The following PCDH15 variants were observed in gnomAD, a reference collection of about 807,000 sequenced individuals.
PCDH15 encodes the protein protocadherin-15.
In PCDH15, 129 loss-of-function variants were observed where a neutral mutation model predicts 178.5. That is an observed-to-expected ratio of 0.72 (90% CI 0.63 to 0.84). The LOEUF is 0.84. PCDH15 is among the 40% of genes least tolerant of loss of function. The pLI, the probability that PCDH15 is intolerant of heterozygous loss-of-function variation, is 0.00. For synonymous variants in PCDH15, 800 were observed against 732.0 expected (o/e 1.09, Z -1.50); for missense variants, 2,230 against 2,099.9 (o/e 1.06, Z -1.21).
chr10:54,256,033 C>A (rs2132179631), intron 8 of PCDH15, among the ~76,000 whole-genome samples: 1 of 152,202 alleles, frequency 6.6e-6, no homozygotes, highest in Non-Finnish European at 1.5e-5. Context: ...GAAGACCTCC[C>A]CAAATTCCGA....
intron 2 of PCDH15, among the ~76,000 whole-genome samples, chr10:55,576,328 G>A (rs1842496261): frequency 6.6e-6 from 1 of 152,128 alleles, no homozygotes; most frequent in Non-Finnish European, 1.5e-5. Context: ...TCATCATAAG[G>A]GTCTTCGCCC....
intron 18 of PCDH15, among the ~76,000 whole-genome samples, chr10:54,060,575 A>G (rs187739689): frequency 2.2e-4 from 33 of 152,324 alleles, no homozygotes; most frequent in Admixed American, 1.9e-3. Context: ...ACTACTTGAG[A>G]TGAATTCTAT....
chr10:54,253,249 T>A (rs2132130951), intron 8 of PCDH15, among the ~76,000 whole-genome samples: 1 of 152,212 alleles, frequency 6.6e-6, no homozygotes, highest in South Asian at 2.1e-4. Flanking sequence ...CATATGTTGA[T>A]TGAACCTTCA....
chr10:55,408,759 G>C (rs1334534), intron 2 of PCDH15, among the ~76,000 whole-genome samples: 65 of 151,568 alleles, frequency 4.3e-4, no homozygotes, highest in African/African-American at 1.6e-3. Context: ...AAGTAGTTTC[G>C]TCTAGTCTCA....
intron 2 of PCDH15, among the ~76,000 whole-genome samples, chr10:54,540,365 A>G (rs1386736344): frequency 6.6e-6 from 1 of 152,160 alleles, no homozygotes; most frequent in Admixed American, 6.5e-5. Flanking sequence ...AAATCCTCAG[A>G]GACTATTATC....
intron 2 of PCDH15, among the ~76,000 whole-genome samples, chr10:54,632,601 CT>C (rs2093733083): frequency 1.3e-5 from 2 of 151,966 alleles, no homozygotes; most frequent in Admixed American, 6.6e-5. Flanking sequence ...AAAATTACCC[CT>C]GCTAAAATTT....
intron 2 of PCDH15, among the ~76,000 whole-genome samples, chr10:55,148,168 CCT>C (rs1204469896): frequency 6.6e-6 from 1 of 151,796 alleles, no homozygotes; most frequent in Non-Finnish European, 1.5e-5. Flanking sequence ...CTTAATATCC[CCT>C]GTTTCTTGTA....
intron 3 of PCDH15, 97 bp downstream of exon 3, chr10:54,527,715 C>T (rs1438817136): frequency 8.1e-6 from 8 of 985,134 alleles, no homozygotes; most frequent in South Asian, 2.0e-5. Flanking sequence ...TGGGTTGAAA[C>T]TTTCATTTTA....
rs1370464785 is a variant in PCDH15 at position 53,821,651 on chromosome 10, GT to G, written c.4368-1422del. On this transcript the variant is annotated intron_variant, in intron 32 of 37. Transcript: ENST00000644397. ...GTAGAACAAATTATGCTACTTTGTAGTTTTTAAAAAGTAAGGTAAATCTATT... is the reference window on the plus strand; with the variant it reads ...GTAGAACAAATTATGCTACTTTGTAGTTTTAAAAAGTAAGGTAAATCTATT... 3.0e-6 allele frequency: 4 copies of G among 1,335,498 alleles called. No homozygotes were observed. The African/African-American group carries it at 5.9e-5, about 20-fold the overall frequency. 82.7% of individuals were successfully genotyped at this position (1,335,498 alleles called of 1,614,324 possible). A position where few individuals can be genotyped will look rare whatever the true frequency, so the allele number is the denominator to read the frequency against.
chr10:54,775,625 C>T (rs1436928965), intron 1 of PCDH15, among the ~76,000 whole-genome samples: 1 of 152,086 alleles, frequency 6.6e-6, no homozygotes. Context: ...CGGCCGGGCG[C>T]GGTGGCTCAC....
intron 24 of PCDH15, 95 bp from the exon 25 acceptor site, chr10:53,939,050 A>C: frequency 1.6e-6 from 2 of 1,261,318 alleles, no homozygotes; most frequent in Middle Eastern, 2.5e-4. Context: ...AACACTAAAA[A>C]TGCCTATTTA....
intron 2 of PCDH15, among the ~76,000 whole-genome samples, chr10:55,339,442 C>T (rs1240149000): frequency 6.6e-6 from 1 of 151,932 alleles, no homozygotes; most frequent in African/African-American, 2.4e-5. Context: ...GTAAGGGTTC[C>T]ATTGAAATAA....
At chr10:55,297,703 C>T (rs1381460517) in intron 1 of PCDH15, among the ~76,000 whole-genome samples, 1 of 152,014 alleles carries the variant, frequency 6.6e-6, no homozygotes, top group Non-Finnish European at 1.5e-5. Context: ...AAACTGAATA[C>T]TAAGGTGTTT....
At chr10:55,355,134 C>A (rs1845043034) in intron 2 of PCDH15, among the ~76,000 whole-genome samples, 1 of 151,966 alleles carries the variant, frequency 6.6e-6, no homozygotes, top group African/African-American at 2.4e-5. Flanking sequence ...AGGTATCACA[C>A]TTTACTTACT....
intron 2 of PCDH15, among the ~76,000 whole-genome samples, chr10:54,900,618 G>C (rs750799896): frequency 6.6e-6 from 1 of 151,978 alleles, no homozygotes; most frequent in Non-Finnish European, 1.5e-5. Context: ...GCTATGATTT[G>C]GTTTTTTAAC....
intron 2 of PCDH15, among the ~76,000 whole-genome samples, chr10:55,334,989 C>G (rs1431724930): frequency 6.6e-6 from 1 of 152,154 alleles, no homozygotes; most frequent in East Asian, 1.9e-4. Context: ...CCTGTTATAA[C>G]TGACTGAAAT....
At chr10:55,175,914 G>A (rs1839471707) in intron 1 of PCDH15, among the ~76,000 whole-genome samples, 1 of 151,938 alleles carries the variant, frequency 6.6e-6, no homozygotes, top group Non-Finnish European at 1.5e-5. Context: ...GACTGTGCAG[G>A]AAACATGGGG....
chr10:54,567,413 G>A (rs1181134479), intron 2 of PCDH15, among the ~76,000 whole-genome samples: 1 of 151,952 alleles, frequency 6.6e-6, no homozygotes, highest in Non-Finnish European at 1.5e-5. Flanking sequence ...CATACTCAAG[G>A]TCACCTAAGT....
intron 2 of PCDH15, among the ~76,000 whole-genome samples, chr10:55,089,101 G>A (rs1360225824): frequency 6.6e-6 from 1 of 152,102 alleles, no homozygotes; most frequent in Non-Finnish European, 1.5e-5. Context: ...ACGATTATGT[G>A]ACTAAAATTT....
Sources: gnomAD v4.1 joint callset for allele counts (sites outside exome capture counted in the v4.1 genomes callset) on GRCh38, gnomAD v4.1.1 for gene constraint, MANE v1.5 for transcripts, NCBI Gene and HGNC (gene_info 2026-07-23, HGNC 2026-07-21) for gene names.